Variants in SFT2D1 observed in about 807,000 individuals in gnomAD.
The protein encoded by SFT2D1 is SFT2 domain containing 1, also known as vesicle transport protein SFT2A.
Under a neutral mutation model 28.1 loss-of-function variants are expected in SFT2D1, and 24 were observed. That is an observed-to-expected ratio of 0.85 (90% confidence interval 0.62 to 1.20). SFT2D1 has a LOEUF of 1.20. Ranked by LOEUF, SFT2D1 falls within the 50% of genes most tolerant of loss-of-function variation. SFT2D1 has a pLI of 0.00. For missense variants in SFT2D1, 181 were observed against 190.9 expected (o/e 0.95, Z 0.31); for synonymous variants, 82 against 73.7 (o/e 1.11, Z -0.58).
At chr6:166,337,074 A>G (rs1179829347) in intron 1 of SFT2D1, among the ~76,000 whole-genome samples, 1 of 152,206 alleles carries the variant, frequency 6.6e-6, no homozygotes, top group Non-Finnish European at 1.5e-5. Context: ...TCCCGGGGAA[A>G]GCTCCCTCTG....
At position 166,342,449 on chromosome 6, in the gene SFT2D1, C is replaced by T; in HGVS notation, c.33G>A (p.Gln11=). 6.4e-7 allele frequency: 1 copy of T among 1,560,304 alleles called. No homozygotes were observed. Among genetic ancestry groups the T allele is most frequent in the Non-Finnish European group, 8.7e-7 (1 of 1,152,812 alleles). ...CAGTCAGGCCCTGCTCCTCGTCGTC[C>T]TGGCCGCTCAGGACTCGCCGCAGCT... MEKLRRVLSG[Q]DDEEQGLTAQ... The change falls in exon 1 of 8, where the codon CAG becomes CAA. Residue 11 remains glutamine (Q), a synonymous_variant. Coordinates refer to ENST00000361731, the MANE Select transcript of SFT2D1 (RefSeq NM_145169.3).
chr6:166,329,526 T>G lies in SFT2D1; in HGVS notation c.214A>C (p.Asn72His). The G allele has an allele frequency of 6.2e-7, 1 of 1,609,650 alleles. No homozygotes were observed. The highest frequency in any genetic ancestry group is 8.5e-7 in the Non-Finnish European group (1 of 1,176,902). Reference sequence around the variant, plus strand: ...ACGTACCTGGCTAACGCAGCAAGATTGCCGAGGGTATAAAACACTGCAAAA... The same window carrying G: ...ACGTACCTGGCTAACGCAGCAAGATGGCCGAGGGTATAAAACACTGCAAAA... ...KLFAVFYTLG[N>H]LAALASTCFL... is the part of the protein sequence containing the mutation. The change falls in exon 3 of 8, where the codon AAT (asparagine) becomes CAT (histidine). Residue 72 changes from asparagine (N) to histidine (H), a missense_variant. By Grantham distance (68) the Asn-to-His change is moderately conservative. Coordinates refer to ENST00000361731, the MANE Select transcript of SFT2D1 (RefSeq NM_145169.3).
At chr6:166,324,425 C>T in intron 6 of SFT2D1, 112 bp downstream of exon 6, 1 of 973,488 alleles carries the variant, frequency 1.0e-6, no homozygotes, top group African/African-American at 1.6e-5. Context: ...CCTGCAGGGC[C>T]TGTCTGGCTC....
chr6:166,337,068 G>A (rs1000836511), intron 1 of SFT2D1, among the ~76,000 whole-genome samples: 12 of 152,192 alleles, frequency 7.9e-5, no homozygotes, highest in South Asian at 2.1e-4. Flanking sequence ...CAGGCCTCCC[G>A]GGGAAAGCTC....
At chr6:166,331,809 TA>T (rs1778557994) in intron 1 of SFT2D1, among the ~76,000 whole-genome samples, 1 of 152,176 alleles carries the variant, frequency 6.6e-6, no homozygotes, top group Non-Finnish European at 1.5e-5. Context: ...ATTTGTCAAT[TA>T]AAAATGGAAA....
chr6:166,333,712 C>G lies in SFT2D1; in HGVS notation c.64-3465G>C, dbSNP rs144818133. ...GGGTCCTGAGCCAGTCCTCATCAGCCCCCCATGGCCTGCACATTGCTGCCT... is the reference window on the plus strand; with the variant it reads ...GGGTCCTGAGCCAGTCCTCATCAGCGCCCCATGGCCTGCACATTGCTGCCT... On this transcript the variant is annotated intron_variant, in intron 1 of 7. Transcript: ENST00000361731. Among the ~76,000 whole-genome samples the G allele has an allele frequency of 2.7e-3, 417 of 152,290 alleles. 2 individuals are homozygous for G. The highest frequency in any genetic ancestry group is 3.7e-3 in the Admixed American group (56 of 15,302).
intron 1 of SFT2D1, among the ~76,000 whole-genome samples, chr6:166,342,177 G>C (rs1375637018): frequency 6.6e-6 from 1 of 151,078 alleles, no homozygotes; most frequent in Non-Finnish European, 1.5e-5. Context: ...GGATTCCTAA[G>C]TCAGAAGGCC....
At chr6:166,336,123 T>C (rs1025477697) in intron 1 of SFT2D1, among the ~76,000 whole-genome samples, 3 of 152,208 alleles carry the variant, frequency 2.0e-5, no homozygotes, top group Non-Finnish European at 4.4e-5. Flanking sequence ...AAAGTTAGTC[T>C]CCTCGGAAGC....
intron 1 of SFT2D1, chr6:166,334,894 G>T (rs1234505569): frequency 3.1e-5 from 13 of 422,754 alleles, no homozygotes; most frequent in Non-Finnish European, 5.9e-5. Flanking sequence ...CTGTGAAAAA[G>T]ATATTTGCTG....
intron 1 of SFT2D1, among the ~76,000 whole-genome samples, chr6:166,334,195 T>C (rs1436937818): frequency 1.3e-5 from 2 of 152,228 alleles, no homozygotes; most frequent in Non-Finnish European, 2.9e-5. Flanking sequence ...CATCCATCCA[T>C]CCACTAACTG....
chr6:166,334,342 C>T (rs1009504382), intron 1 of SFT2D1, among the ~76,000 whole-genome samples: 1 of 152,246 alleles, frequency 6.6e-6, no homozygotes, highest in African/African-American at 2.4e-5. Context: ...CGCCTGTAAT[C>T]CTGGCACTTT....
intron 5 of SFT2D1, chr6:166,325,897 G>A (rs577460946): frequency 3.6e-6 from 2 of 559,396 alleles, no homozygotes; most frequent in South Asian, 2.5e-5. Context: ...CCAGCTGGGT[G>A]GGTGAGCATG....
rs1257162535 is a variant in SFT2D1 at position 166,329,566 on chromosome 6, C to T, written c.174G>A (p.Pro58=). ...SILGTGLLWL[P]GGIKLFAVFY... ...ACACTGCAAAAAGCTTTATGCCGCCCGGAAGCCACAGCAATCCAGTTCCCT... is the reference window on the plus strand; with the variant it reads ...ACACTGCAAAAAGCTTTATGCCGCCTGGAAGCCACAGCAATCCAGTTCCCT... The change falls in exon 3 of 8, where the codon CCG becomes CCA. Residue 58 remains proline (P), a synonymous_variant. Coordinates refer to ENST00000361731, the MANE Select transcript of SFT2D1 (RefSeq NM_145169.3). 6 of 1,606,564 alleles carry T rather than the reference C, an allele frequency of 3.7e-6. No homozygotes were observed. Among genetic ancestry groups the T allele is most frequent in the East Asian group, 2.2e-5 (1 of 44,848 alleles).
At chr6:166,337,503 C>T (rs991530768) in intron 1 of SFT2D1, among the ~76,000 whole-genome samples, 2 of 152,068 alleles carry the variant, frequency 1.3e-5, no homozygotes, top group Admixed American at 1.3e-4. Flanking sequence ...GCCAGCTGCT[C>T]CTGCTTGGGG....
intron 4 of SFT2D1, 82 bp downstream of exon 4, chr6:166,328,194 C>G: frequency 1.5e-6 from 1 of 667,170 alleles, no homozygotes; most frequent in Admixed American, 3.4e-5. Context: ...AAGAAGTATA[C>G]ATACATAACA....
intron 1 of SFT2D1, among the ~76,000 whole-genome samples, chr6:166,335,802 A>AT (rs1778638820): frequency 6.6e-6 from 1 of 152,246 alleles, no homozygotes; most frequent in South Asian, 2.1e-4. Context: ...CAGAGAAGCG[A>AT]TAGGGAAGCT....
chr6:166,321,517 C>T (rs1244874938), intron 7 of SFT2D1, among the ~76,000 whole-genome samples: 1 of 152,174 alleles, frequency 6.6e-6, no homozygotes, highest in African/African-American at 2.4e-5. Flanking sequence ...AAGCAGCTTT[C>T]TCACCTGTAG....
chr6:166,322,364 C>T (rs1203233636), intron 7 of SFT2D1, among the ~76,000 whole-genome samples: 3 of 152,112 alleles, frequency 2.0e-5, no homozygotes, highest in African/African-American at 7.2e-5. Flanking sequence ...TCCATACAGA[C>T]ATTATCATGG....
chr6:166,325,495 T>C (rs1669239339), intron 5 of SFT2D1, among the ~76,000 whole-genome samples: 1 of 152,240 alleles, frequency 6.6e-6, no homozygotes, highest in Non-Finnish European at 1.5e-5. Context: ...GCTGTTAACC[T>C]TCTCCACAGG....
Sources: allele counts gnomAD v4.1 joint callset (sites outside exome capture counted in the v4.1 genomes callset), GRCh38; gene constraint gnomAD v4.1.1; transcripts MANE v1.5; gene names NCBI Gene and HGNC (gene_info 2026-07-23, HGNC 2026-07-21).